ENTREP2: variants seen among roughly 807,000 people sequenced by gnomAD.
ENTREP2 encodes the protein protein ENTREP2.
the ENTREP2 span, among the ~76,000 whole-genome samples, chr15:29,534,441 T>G: frequency 2.6e-5 from 4 of 152,162 alleles, no homozygotes; most frequent in Non-Finnish European, 5.9e-5. Flanking sequence ...GAAGAATATT[T>G]AACAGGTTTT....
the ENTREP2 span, among the ~76,000 whole-genome samples, chr15:29,639,944 T>A: frequency 6.6e-6 from 1 of 152,084 alleles, no homozygotes; most frequent in African/African-American, 2.4e-5. Context: ...AATTTTTGTA[T>A]TTTTAGTAGA....
the ENTREP2 span, among the ~76,000 whole-genome samples, chr15:29,300,151 A>AATGG: frequency 0.026 from 3,336 of 128,086 alleles, 47 homozygotes; most frequent in Middle Eastern, 0.088. Flanking sequence ...ATGGATGGAT[A>AATGG]ATGGATGGAT....
the ENTREP2 span, among the ~76,000 whole-genome samples, chr15:29,438,510 T>C: frequency 1.3e-5 from 2 of 151,350 alleles, no homozygotes; most frequent in Non-Finnish European, 2.9e-5. Context: ...TGAAATAGAG[T>C]GTAGCTGGAA....
chr15:29,562,350 G>C, the ENTREP2 span, among the ~76,000 whole-genome samples: 1 of 152,202 alleles, frequency 6.6e-6, no homozygotes, highest in Non-Finnish European at 1.5e-5. Context: ...AGTACATAAA[G>C]AGCATCCATG....
chr15:29,304,741 C>T, the ENTREP2 span, among the ~76,000 whole-genome samples: 1 of 152,082 alleles, frequency 6.6e-6, no homozygotes, highest in African/African-American at 2.4e-5. Context: ...CTCCCTTCCT[C>T]TATGATCCCC....
the ENTREP2 span, chr15:29,265,910 A>G: frequency 6.6e-6 from 1 of 152,256 alleles, no homozygotes; most frequent in Non-Finnish European, 1.5e-5. Flanking sequence ...TAGGGAAAAA[A>G]GGCAGAAAAC....
the ENTREP2 span, among the ~76,000 whole-genome samples, chr15:29,480,447 G>C: frequency 1.3e-5 from 2 of 151,520 alleles, no homozygotes; most frequent in African/African-American, 4.9e-5. Context: ...GCCCCCCAGT[G>C]GGCAGCGTTC....
chr15:29,559,244 C>T, the ENTREP2 span, among the ~76,000 whole-genome samples: 1 of 152,126 alleles, frequency 6.6e-6, no homozygotes, highest in Non-Finnish European at 1.5e-5. Flanking sequence ...TACCCACCCA[C>T]CAGCACTCAC....
chr15:29,508,984 T>C, the ENTREP2 span, among the ~76,000 whole-genome samples: 140 of 152,334 alleles, frequency 9.2e-4, no homozygotes, highest in African/African-American at 1.3e-3. Flanking sequence ...GGTGACATGA[T>C]TGTATATTTA....
At chr15:29,639,248 C>T in the ENTREP2 span, among the ~76,000 whole-genome samples, 1 of 152,164 alleles carries the variant, frequency 6.6e-6, no homozygotes, top group East Asian at 1.9e-4. Context: ...GAGACCAATG[C>T]TGTCCAGAAA....
the ENTREP2 span, among the ~76,000 whole-genome samples, chr15:29,188,846 C>T: frequency 6.6e-6 from 1 of 152,168 alleles, no homozygotes; most frequent in Non-Finnish European, 1.5e-5. Context: ...AAAATCGATC[C>T]TGCCTACATG....
chr15:29,546,986 G>A, the ENTREP2 span, among the ~76,000 whole-genome samples: 1 of 151,326 alleles, frequency 6.6e-6, no homozygotes, highest in Non-Finnish European at 1.5e-5. Flanking sequence ...GAGCATTCAA[G>A]AGAAAGGGAT....
At chr15:29,169,501 A>G in the ENTREP2 span, among the ~76,000 whole-genome samples, 234 of 152,370 alleles carry the variant, frequency 1.5e-3, 3 homozygotes, top group South Asian at 3.9e-3. Flanking sequence ...TGTGAAAAGA[A>G]GAGAGGAAAA....
At chr15:29,321,826 G>C in the ENTREP2 span, among the ~76,000 whole-genome samples, 1 of 151,980 alleles carries the variant, frequency 6.6e-6, no homozygotes, top group African/African-American at 2.4e-5. Flanking sequence ...CCTGTTTGGG[G>C]GAGTGGGCGG....
At chr15:29,291,959 A>G in the ENTREP2 span, among the ~76,000 whole-genome samples, 1 of 152,098 alleles carries the variant, frequency 6.6e-6, no homozygotes, top group Non-Finnish European at 1.5e-5. Flanking sequence ...AAGCCCTGTG[A>G]GGTCTGAAAA....
At chr15:29,381,699 A>T in the ENTREP2 span, 1 of 1,249,960 alleles carries the variant, frequency 8.0e-7, no homozygotes, top group Non-Finnish European at 1.1e-6. Context: ...TCTCTTCGCC[A>T]CTGCCTCCAA....
At chr15:29,288,266 C>T in the ENTREP2 span, among the ~76,000 whole-genome samples, 1 of 152,206 alleles carries the variant, frequency 6.6e-6, no homozygotes, top group Admixed American at 6.5e-5. Context: ...TATTTGTATA[C>T]GTGCGTGTGT....
At chr15:29,483,619 T>C in the ENTREP2 span, among the ~76,000 whole-genome samples, 2 of 152,218 alleles carry the variant, frequency 1.3e-5, no homozygotes, top group African/African-American at 2.4e-5. Flanking sequence ...GCTAACTATA[T>C]TGTGTGGTCT....
chr15:29,229,027 C>T, the ENTREP2 span, among the ~76,000 whole-genome samples: 3 of 152,006 alleles, frequency 2.0e-5, no homozygotes, highest in Admixed American at 1.3e-4. Context: ...ATAAAGAAAT[C>T]TATGAAAATG....
Sources: gnomAD v4.1 joint callset for allele counts (sites outside exome capture counted in the v4.1 genomes callset) on GRCh38, gnomAD v4.1.1 for gene constraint, MANE v1.5 for transcripts, NCBI Gene and HGNC (gene_info 2026-07-23, HGNC 2026-07-21) for gene names.